Variants in UNC79 observed in about 807,000 individuals in gnomAD.
The protein encoded by UNC79 is unc-79 subunit of NALCN channel complex, also known as protein unc-79 homolog.
UNC79 carries 37 observed loss-of-function variants against 283.1 expected under a neutral mutation model. The ratio of observed to expected loss-of-function variants is 0.13; its 90% CI spans 0.10 to 0.17. The LOEUF (loss-of-function observed/expected upper bound fraction) is 0.17, where lower values mean the gene tolerates loss of function less well. Ranked by LOEUF, UNC79 falls within the 10% of genes least tolerant of loss-of-function variation. The pLI is 1.00. For synonymous variants in UNC79, 1,107 were observed against 1,200.2 expected (o/e 0.92, Z 1.61); for missense variants, 2,272 against 3,211.1 (o/e 0.71, Z 7.07).
At chr14:93,628,231 A>C (rs1181811967) in intron 30 of UNC79, among the ~76,000 whole-genome samples, 1 of 152,128 alleles carries the variant, frequency 6.6e-6, no homozygotes, top group Non-Finnish European at 1.5e-5. Context: ...ATTGGCTCTC[A>C]ACTGCATTCA....
chr14:93,390,496 T>C (rs2054861760), intron 1 of UNC79, among the ~76,000 whole-genome samples: 1 of 152,144 alleles, frequency 6.6e-6, no homozygotes, highest in Non-Finnish European at 1.5e-5. Context: ...ATAAGAGAAA[T>C]ACAAATTGGA....
chr14:93,381,912 C>T (rs2054673483), intron 1 of UNC79, among the ~76,000 whole-genome samples: 1 of 152,154 alleles, frequency 6.6e-6, no homozygotes, highest in South Asian at 2.1e-4. Context: ...CTCCCTCAAG[C>T]TTTCAGTCTT....
chr14:93,419,130 AGACCGGAGCTGTT>A (rs2055534144), intron 1 of UNC79, among the ~76,000 whole-genome samples: 1 of 150,560 alleles, frequency 6.6e-6, no homozygotes, highest in African/African-American at 2.4e-5. Context: ...TGGGAGCTGT[AGACCGGAGCTGTT>A]CCTATTTGGC....
intron 41 of UNC79, among the ~76,000 whole-genome samples, chr14:93,678,098 C>CCTTT (rs1216695446): frequency 5.9e-5 from 9 of 152,246 alleles, no homozygotes; most frequent in African/African-American, 9.6e-5. Flanking sequence ...TCAGAGGAAA[C>CCTTT]CTTTCCCCTT....
At chr14:93,448,415 A>T (rs1282714206) in intron 1 of UNC79, among the ~76,000 whole-genome samples, 2 of 152,090 alleles carry the variant, frequency 1.3e-5, no homozygotes, top group Admixed American at 1.3e-4. Context: ...AGTTTCATGC[A>T]TTGAAAACAT....
At chr14:93,651,144 ATTC>A (rs1347382302) in intron 35 of UNC79, among the ~76,000 whole-genome samples, 1 of 152,162 alleles carries the variant, frequency 6.6e-6, no homozygotes, top group Non-Finnish European at 1.5e-5. Context: ...CTATATATTA[ATTC>A]TTAAGTTTGC....
At chr14:93,626,231 T>C (rs1239668129) in intron 30 of UNC79, among the ~76,000 whole-genome samples, 2 of 152,174 alleles carry the variant, frequency 1.3e-5, no homozygotes, top group African/African-American at 2.4e-5. Flanking sequence ...AGTCTTGCAA[T>C]TGACATAATT....
chr14:93,406,204 AATT>A (rs1385169396), intron 1 of UNC79, among the ~76,000 whole-genome samples: 1 of 152,216 alleles, frequency 6.6e-6, no homozygotes, highest in Non-Finnish European at 1.5e-5. Context: ...CTAGAAAAAA[AATT>A]AACACAGCAA....
chr14:93,501,027 T>A (rs532786845), intron 7 of UNC79, among the ~76,000 whole-genome samples: 1 of 152,306 alleles, frequency 6.6e-6, no homozygotes, highest in African/African-American at 2.4e-5. Flanking sequence ...ATTTCCTCTT[T>A]AAAAAGTAAA....
At chr14:93,414,876 C>G (rs943176627) in intron 1 of UNC79, among the ~76,000 whole-genome samples, 1 of 152,104 alleles carries the variant, frequency 6.6e-6, no homozygotes, top group Non-Finnish European at 1.5e-5. Context: ...ATTTTGTATC[C>G]TGAGACTTTG....
At chr14:93,371,297 G>A (rs1309583679) in intron 1 of UNC79, among the ~76,000 whole-genome samples, 1 of 152,062 alleles carries the variant, frequency 6.6e-6, no homozygotes, top group African/African-American at 2.4e-5. Flanking sequence ...TGAGGCAGGA[G>A]AATTGCTTGA....
chr14:93,586,309 C>T (rs1410625842), intron 20 of UNC79, among the ~76,000 whole-genome samples: 2 of 152,170 alleles, frequency 1.3e-5, no homozygotes, highest in Admixed American at 6.5e-5. Context: ...ATCATGTATT[C>T]AGTTGTCTTT....
intron 26 of UNC79, among the ~76,000 whole-genome samples, chr14:93,612,594 T>C (rs1341523728): frequency 6.6e-6 from 1 of 152,224 alleles, no homozygotes; most frequent in Non-Finnish European, 1.5e-5. Context: ...TACTTGGTTG[T>C]TGATGAATAC....
At chr14:93,612,279 G>A (rs1282925313) in intron 26 of UNC79, among the ~76,000 whole-genome samples, 2 of 152,248 alleles carry the variant, frequency 1.3e-5, no homozygotes, top group Middle Eastern at 3.4e-3. Flanking sequence ...TCAGGGTTTG[G>A]AAAAGATTTG....
At position 93,543,627 on chromosome 14, in the gene UNC79, A is replaced by G. The variant is rs2061473974; in HGVS notation, c.1755+931A>G. 2.6e-5 allele frequency among the ~76,000 whole-genome samples: 4 copies of G among 152,080 alleles called. No individual in the cohort carries two copies. In the South Asian group the frequency reaches 8.3e-4, roughly 32 times the overall value. ...AGCGATCTTTCTGCCTCAGCCTCCCAAAGTGCTGGGATTATACAGGCATGA... is the reference window on the plus strand; with the variant it reads ...AGCGATCTTTCTGCCTCAGCCTCCCGAAGTGCTGGGATTATACAGGCATGA... On this transcript the variant is annotated intron_variant, in intron 14 of 48. Coordinates refer to ENST00000555664, the Ensembl canonical transcript of UNC79.
exon 23 of UNC79, chr14:93,593,789 A>G (rs757736480): frequency 1.9e-6 from 3 of 1,614,052 alleles, no homozygotes; most frequent in Non-Finnish European, 2.5e-6. Flanking sequence ...CTGGACAATC[A>G]TAAATGGCAA....
At chr14:93,560,957 C>G (rs1391358543) in intron 14 of UNC79, among the ~76,000 whole-genome samples, 1 of 152,078 alleles carries the variant, frequency 6.6e-6, no homozygotes, top group Non-Finnish European at 1.5e-5. Flanking sequence ...AGCAACCTTT[C>G]ACTGTTATTT....
intron 30 of UNC79, among the ~76,000 whole-genome samples, chr14:93,626,592 T>C (rs918630374): frequency 5.9e-5 from 9 of 152,194 alleles, no homozygotes; most frequent in African/African-American, 2.2e-4. Flanking sequence ...GCAAAACATT[T>C]TGGAAGAGAT....
chr14:93,616,289 A>T (rs931863014), intron 27 of UNC79, among the ~76,000 whole-genome samples: 1 of 151,418 alleles, frequency 6.6e-6, no homozygotes, highest in African/African-American at 2.4e-5. Context: ...ATTTTGGAAC[A>T]CTTGTCTGAT....
Sources: allele counts gnomAD v4.1 joint callset (sites outside exome capture counted in the v4.1 genomes callset), GRCh38; gene constraint gnomAD v4.1.1; transcripts MANE v1.5; gene names NCBI Gene and HGNC (gene_info 2026-07-23, HGNC 2026-07-21).